The following KMT2C variants were observed in gnomAD, a reference collection of about 807,000 sequenced individuals.
KMT2C encodes histone-lysine N-methyltransferase 2C.
In KMT2C, 88 loss-of-function variants were observed where a neutral mutation model predicts 507.9. The observed-to-expected ratio is 0.17, with a 90% CI of 0.15 to 0.21. The LOEUF is 0.21. KMT2C is among the 10% of genes least tolerant of loss of function. The probability of loss-of-function intolerance (pLI) is 1.00; values close to 1 mark genes in which losing one functional copy is unlikely to be tolerated. For missense variants in KMT2C, 4,954 were observed against 5,957.8 expected, an observed-to-expected ratio of 0.83 and a Z score of 5.55; for synonymous variants, 2,049 against 2,080.8, an observed-to-expected ratio of 0.98 and a Z score of 0.42.
chr7:152,337,733 G>A (rs905480894), intron 2 of KMT2C, among the ~76,000 whole-genome samples: 8 of 151,788 alleles, frequency 5.3e-5, no homozygotes, highest in East Asian at 1.9e-4. Context: ...AAAAAAGAAC[G>A]CATGAAAAGC....
chr7:152,182,966 T>C lies in KMT2C; in HGVS notation c.5265+8A>G. ...CTTCAAAAAGTAGATTATCCAAAAA[T>C]TCCATACCTGTCTAAATTTCCATTC... On this transcript the variant is annotated splice_region_variant and intron_variant, in intron 35 of 58. Transcript: ENST00000262189. The C allele has an allele frequency of 3.2e-6, 5 of 1,572,776 alleles. No individual in the cohort carries two copies. Among genetic ancestry groups the C allele is most frequent in the Non-Finnish European group, 4.3e-6 (5 of 1,164,626 alleles).
intron 23 of KMT2C, among the ~76,000 whole-genome samples, chr7:152,208,326 A>C (rs2094361211): frequency 6.6e-6 from 1 of 152,082 alleles, no homozygotes; most frequent in Non-Finnish European, 1.5e-5. Flanking sequence ...CTTCTACCTA[A>C]CTTATCTTTC....
chr7:152,357,203 G>C (rs2097159430), intron 2 of KMT2C, among the ~76,000 whole-genome samples: 1 of 151,210 alleles, frequency 6.6e-6, no homozygotes, highest in Non-Finnish European at 1.5e-5. Flanking sequence ...GTCCAGCCTG[G>C]GAGAGAGAGC....
At chr7:152,360,207 G>GTT (rs1294784060) in intron 1 of KMT2C, among the ~76,000 whole-genome samples, 2 of 152,020 alleles carry the variant, frequency 1.3e-5, no homozygotes, top group Admixed American at 1.3e-4. Context: ...GCCAGGCACA[G>GTT]TAACTCACGC....
At chr7:152,188,557 T>G (rs980104771) in intron 31 of KMT2C, among the ~76,000 whole-genome samples, 1 of 149,470 alleles carries the variant, frequency 6.7e-6, no homozygotes, top group African/African-American at 2.5e-5. Context: ...TATATTTTAT[T>G]CCTGTTCCTC....
intron 6 of KMT2C, among the ~76,000 whole-genome samples, chr7:152,309,008 A>T (rs1301175441): frequency 6.6e-6 from 1 of 152,164 alleles, no homozygotes; most frequent in Admixed American, 6.5e-5. Context: ...ACTTTGATAC[A>T]ATGCAATAAA....
At chr7:152,213,188 C>T (rs1324506220) in intron 23 of KMT2C, among the ~76,000 whole-genome samples, 2 of 152,194 alleles carry the variant, frequency 1.3e-5, no homozygotes, top group Non-Finnish European at 2.9e-5. Flanking sequence ...TTTCCAAAGG[C>T]ATTTTTCACA....
At chr7:152,351,575 T>C (rs2097111094) in intron 2 of KMT2C, among the ~76,000 whole-genome samples, 1 of 152,248 alleles carries the variant, frequency 6.6e-6, no homozygotes, top group Non-Finnish European at 1.5e-5. Flanking sequence ...AATTGTAATA[T>C]GCATCCCTTT....
chr7:152,206,302 G>A (rs13236408), intron 24 of KMT2C, among the ~76,000 whole-genome samples: 3 of 151,708 alleles, frequency 2.0e-5, no homozygotes, highest in African/African-American at 2.4e-5. Context: ...AAAAAAAAAC[G>A]GTAAATACAA....
intron 1 of KMT2C, among the ~76,000 whole-genome samples, chr7:152,422,761 C>T (rs1432187585): frequency 2.0e-5 from 3 of 152,280 alleles, no homozygotes; most frequent in South Asian, 2.1e-4. Context: ...CAGTGGCTCA[C>T]GCCTGTAATC....
At chr7:152,146,761 T>C in intron 52 of KMT2C, 26 bp from the exon 53 acceptor site, 1 of 1,605,140 alleles carries the variant, frequency 6.2e-7, no homozygotes, top group Non-Finnish European at 8.5e-7. Context: ...AACATAATTT[T>C]TATAGGAAAT....
At chr7:152,327,499 T>G (rs2096839742) in intron 3 of KMT2C, among the ~76,000 whole-genome samples, 1 of 152,188 alleles carries the variant, frequency 6.6e-6, no homozygotes, top group African/African-American at 2.4e-5. Flanking sequence ...TGCTCTAAAC[T>G]AGCAAATATT....
intron 28 of KMT2C, 84 bp downstream of exon 28, chr7:152,195,822 AC>A: frequency 1.4e-6 from 1 of 702,616 alleles, no homozygotes; most frequent in Non-Finnish European, 2.2e-6. Flanking sequence ...TGGGAAACAG[AC>A]AAAAGGCTAA....
rs1195125465 is a variant in KMT2C, at chr7:152,391,142, C to CAAAAAAAAAA, written c.162-32477_162-32468dup. ...CTGGGCGACAGAGTGAGACTGTCTC[C>CAAAAAAAAAA]AAAAAAAAAAAAAAAAAAAAAAAAA... On this transcript the variant is annotated intron_variant, in intron 1 of 58. Transcript: ENST00000262189. 5.3e-3 allele frequency among the ~76,000 whole-genome samples: 183 copies of CAAAAAAAAAA among 34,754 alleles called. 31 individuals carry two copies. The highest frequency in any genetic ancestry group is 0.019 in the East Asian group (12 of 642). 22.8% of individuals were successfully genotyped at this position (34,754 alleles called of 152,430 possible).
At chr7:152,371,081 TAAC>T (rs1564020701) in intron 1 of KMT2C, among the ~76,000 whole-genome samples, 2 of 152,154 alleles carry the variant, frequency 1.3e-5, no homozygotes, top group Non-Finnish European at 2.9e-5. Flanking sequence ...ACTATAAAGA[TAAC>T]AATATATTCA....
chr7:152,318,804 A>G (rs2129204751), intron 3 of KMT2C, among the ~76,000 whole-genome samples: 1 of 152,256 alleles, frequency 6.6e-6, no homozygotes, highest in South Asian at 2.1e-4. Flanking sequence ...AAGTTATGTC[A>G]AAAAGAAAAC....
At chr7:152,337,931 A>G (rs1299783078) in intron 2 of KMT2C, among the ~76,000 whole-genome samples, 1 of 150,862 alleles carries the variant, frequency 6.6e-6, no homozygotes, top group Non-Finnish European at 1.5e-5. Flanking sequence ...ATCTCAGCTC[A>G]CTGAAAGCTC....
intron 37 of KMT2C, 37 bp from the exon 38 acceptor site, chr7:152,178,047 A>AAT: frequency 7.3e-7 from 1 of 1,376,122 alleles, no homozygotes. Context: ...AAAAAAGCAA[A>AAT]TAGGTATTAT....
chr7:152,358,759 AT>A, intron 1 of KMT2C, 84 bp from the exon 2 acceptor site: 1 of 821,188 alleles, frequency 1.2e-6, no homozygotes, highest in South Asian at 1.7e-5. Flanking sequence ...ATAAGGCACA[AT>A]TTGAAGGTAT....
Sources: allele counts gnomAD v4.1 joint callset (sites outside exome capture counted in the v4.1 genomes callset), GRCh38; gene constraint gnomAD v4.1.1; transcripts MANE v1.5; gene names NCBI Gene and HGNC (gene_info 2026-07-23, HGNC 2026-07-21).